Variants in MYLK4 observed in about 807,000 individuals in gnomAD.
The protein encoded by MYLK4 is myosin light chain kinase family member 4.
In MYLK4, 46 loss-of-function variants were observed where a neutral mutation model predicts 48.1. The observed-to-expected ratio is 0.96, with a 90% confidence interval of 0.75 to 1.22. The LOEUF (loss-of-function observed/expected upper bound fraction) is 1.22. Among genes scored for constraint, MYLK4 ranks in the 50% most tolerant of loss-of-function variants. MYLK4 has a pLI of 0.00. For missense variants in MYLK4, 451 were observed against 486.1 expected (o/e 0.93, Z 0.68); for synonymous variants, 170 against 180.8 (o/e 0.94, Z 0.48).
the MYLK4 span, among the ~76,000 whole-genome samples, chr6:2,765,005 G>C: frequency 6.6e-6 from 1 of 152,004 alleles, no homozygotes; most frequent in African/African-American, 2.4e-5. Context: ...CCTCCTGCTT[G>C]TCCCCACAGG....
At chr6:2,748,473 C>T (rs1764176546) in intron 2 of MYLK4, among the ~76,000 whole-genome samples, 1 of 152,234 alleles carries the variant, frequency 6.6e-6, no homozygotes, top group Non-Finnish European at 1.5e-5. Flanking sequence ...GAGGTAATTG[C>T]TGCTGCCGCT....
intron 7 of MYLK4, among the ~76,000 whole-genome samples, chr6:2,681,499 G>A (rs72840075): frequency 0.2 from 29,787 of 152,074 alleles, 3,798 homozygotes; most frequent in Non-Finnish European, 0.29. Context: ...GGAGTACTGT[G>A]GCATCAAAAA....
the MYLK4 span, chr6:2,770,092 C>G: frequency 6.2e-7 from 1 of 1,612,592 alleles, no homozygotes. Context: ...ACTGGAATCA[C>G]TTTTTTCTGT....
chr6:2,763,346 G>C, the MYLK4 span, among the ~76,000 whole-genome samples: 3 of 152,262 alleles, frequency 2.0e-5, no homozygotes, highest in African/African-American at 7.2e-5. Context: ...GCATTGCTCA[G>C]CTCTGGGGTG....
At chr6:2,766,116 A>C in the MYLK4 span, 1 of 1,321,614 alleles carries the variant, frequency 7.6e-7, no homozygotes, top group Non-Finnish European at 9.6e-7. Flanking sequence ...GCGCAGGAGG[A>C]GGAGGAGGCC....
chr6:2,746,218 G>A (rs1360018367), intron 2 of MYLK4, among the ~76,000 whole-genome samples: 4 of 151,884 alleles, frequency 2.6e-5, no homozygotes, highest in African/African-American at 9.7e-5. Context: ...AGTGAGCTGA[G>A]ATCGCACCAC....
the MYLK4 span, among the ~76,000 whole-genome samples, chr6:2,765,192 C>CCG: frequency 1.2e-5 from 1 of 86,752 alleles, no homozygotes; most frequent in Non-Finnish European, 2.7e-5. Context: ...ACCCCCCCCC[C>CCG]CGCCCCTCCC....
At chr6:2,681,509 A>G (rs2113121388) in intron 7 of MYLK4, among the ~76,000 whole-genome samples, 1 of 152,340 alleles carries the variant, frequency 6.6e-6, no homozygotes, top group Non-Finnish European at 1.5e-5. Context: ...GGCATCAAAA[A>G]GTTTGCAGGA....
chr6:2,685,574 C>T lies in MYLK4; in HGVS notation c.344G>A (p.Gly115Glu). The T allele has an allele frequency of 2.5e-6, 4 of 1,614,110 alleles. No individual in the cohort carries two copies. The highest frequency in any genetic ancestry group is 3.4e-6 in the Non-Finnish European group (4 of 1,180,022). Residue 115 changes from glycine to glutamate, a missense_variant and splice_region_variant, in exon 5 of 13, where the codon GGG (glycine) becomes GAG (glutamate). By Grantham distance (98) the Gly-to-Glu change is moderately conservative. Coordinates refer to ENST00000274643, the MANE Select transcript of MYLK4 (RefSeq NM_001012418.5). The surrounding 1 kb of genome is among the most constrained non-coding windows in gnomAD (Gnocchi z 4.5). ...ACACTTGTGAACCTGGCCGAAACGC[C>T]CTCTGCCAAAAAGAGGAAGCGGCGT... ...TVSKTEILGG[G>E]RFGQVHKCEE...
At chr6:2,703,893 T>A (rs1390040950) in intron 2 of MYLK4, among the ~76,000 whole-genome samples, 2 of 152,080 alleles carry the variant, frequency 1.3e-5, no homozygotes, top group African/African-American at 4.8e-5. Context: ...ATGGTCTCCA[T>A]CTCTTGACCT....
chr6:2,762,607 A>G, the MYLK4 span, among the ~76,000 whole-genome samples: 1 of 152,230 alleles, frequency 6.6e-6, no homozygotes, highest in African/African-American at 2.4e-5. Context: ...TTGTTTTGCA[A>G]GTATTCACTT....
At chr6:2,679,574 A>G in intron 8 of MYLK4, 166 bp from the exon 9 acceptor site, 2 of 872,636 alleles carry the variant, frequency 2.3e-6, no homozygotes, top group Non-Finnish European at 3.7e-6. Flanking sequence ...AAAAACTTGT[A>G]AAGAGGCCCC....
intron 2 of MYLK4, among the ~76,000 whole-genome samples, chr6:2,716,789 G>A (rs1465777953): frequency 6.6e-6 from 1 of 152,182 alleles, no homozygotes; most frequent in Non-Finnish European, 1.5e-5. Flanking sequence ...TGTAAAATGA[G>A]GATAGTAGTT....
chr6:2,698,335 T>C (rs1243062650), intron 2 of MYLK4, among the ~76,000 whole-genome samples: 1 of 152,198 alleles, frequency 6.6e-6, no homozygotes, highest in Non-Finnish European at 1.5e-5. Flanking sequence ...GCTCTGAACG[T>C]ATCACCCACA....
intron 2 of MYLK4, among the ~76,000 whole-genome samples, chr6:2,699,237 C>T (rs1762181481): frequency 2.0e-5 from 3 of 147,804 alleles, no homozygotes; most frequent in Middle Eastern, 7.1e-3. Context: ...TTATAATATA[C>T]ATTGAGCTGT....
chr6:2,674,867 G>T (rs1761026786), intron 11 of MYLK4, among the ~76,000 whole-genome samples, 180 bp downstream of exon 11: 1 of 152,102 alleles, frequency 6.6e-6, no homozygotes, highest in African/African-American at 2.4e-5. Context: ...GTGAAATTTT[G>T]CCTCAAAAAA....
rs564138842 is a variant in MYLK4, at chr6:2,676,223, C to T, written c.1041-1098G>A. ...GTTTGTAGGATTGCTTCAATGCAAT[C>T]GCTTCATCAGATACCAAAATATTTA... is the stretch of plus-strand genomic sequence containing the variant. On this transcript the variant is annotated intron_variant, in intron 10 of 12. Coordinates refer to ENST00000274643, the MANE Select transcript of MYLK4 (RefSeq NM_001012418.5). Among the ~76,000 whole-genome samples the T allele has an allele frequency of 2.3e-4, 35 of 152,230 alleles. No individual in the cohort carries two copies. The South Asian group carries it at 7.0e-3, about 31-fold the overall frequency.
chr6:2,726,079 G>A (rs576441993), intron 2 of MYLK4, among the ~76,000 whole-genome samples: 2 of 152,226 alleles, frequency 1.3e-5, no homozygotes, highest in East Asian at 1.9e-4. Context: ...GCGCTGAGTC[G>A]TCCCTTTGTC....
chr6:2,713,088 A>T (rs940216757), intron 2 of MYLK4, among the ~76,000 whole-genome samples: 1 of 152,244 alleles, frequency 6.6e-6, no homozygotes, highest in Non-Finnish European at 1.5e-5. Flanking sequence ...AAAGCAACAT[A>T]GTCCCGGCAT....
Sources: allele counts gnomAD v4.1 joint callset (sites outside exome capture counted in the v4.1 genomes callset), GRCh38; gene constraint gnomAD v4.1.1; non-coding constraint Gnocchi (gnomAD v3.1); transcripts MANE v1.5; gene names NCBI Gene and HGNC (gene_info 2026-07-23, HGNC 2026-07-21).